The following ADAM23 variants were observed in gnomAD, a reference collection of about 807,000 sequenced individuals.
The protein encoded by ADAM23 is ADAM metallopeptidase domain 23.
ADAM23 carries 33 observed loss-of-function variants against 120.1 expected under a neutral mutation model. That is an observed-to-expected ratio of 0.27 (90% CI 0.21 to 0.37). ADAM23 has a LOEUF of 0.37. ADAM23 is among the 10% of genes least tolerant of loss of function. The pLI, the probability that ADAM23 is intolerant of heterozygous loss-of-function variation, is 1.00. For missense variants in ADAM23, 862 were observed against 1,058.2 expected, an observed-to-expected ratio of 0.81 and a Z score of 2.57; for synonymous variants, 367 against 375.2, an observed-to-expected ratio of 0.98 and a Z score of 0.25.
chr2:206,614,954 G>A (rs796335891), intron 25 of ADAM23, among the ~76,000 whole-genome samples: 1 of 152,058 alleles, frequency 6.6e-6, no homozygotes, highest in South Asian at 2.1e-4. Flanking sequence ...CAGGAAGATC[G>A]GTGCATTTCC....
In ADAM23 at chr2:206,550,160, G is replaced by C; in HGVS notation, c.933G>C (p.Thr311=). The C allele has an allele frequency of 6.4e-7, 1 of 1,559,960 alleles. No individual in the cohort carries two copies. The change falls in exon 9 of 26, where the codon ACG becomes ACC. Residue 311 remains threonine (T), a splice_region_variant and synonymous_variant. Coordinates refer to ENST00000264377, the MANE Select transcript of ADAM23 (RefSeq NM_003812.4). ...TTATGATTGTTAATGATCACAAAAC[G>C]GTAAGAATATAGAGTCAGTGGGTTT... The part of the protein sequence containing the change: ...LELMIVNDHK[T]YKKHRSSHAH...
chr2:206,467,701 A>G lies in ADAM23; in HGVS notation c.433-13531A>G, dbSNP rs1179693208. On this transcript the variant is annotated intron_variant, in intron 2 of 25. Transcript: ENST00000264377. ...CCTTCTCACAGCTCAACTAGGCAGT[A>G]CCCCAGTGGGGACTCTGTGTGGGGG... is the stretch of plus-strand genomic sequence containing the variant. Among the ~76,000 whole-genome samples, 5 of 152,260 alleles carry G rather than the reference A, an allele frequency of 3.3e-5. No individual in the cohort carries two copies. The East Asian group carries it at 7.7e-4, about 24-fold the overall frequency.
Position 206,547,432 on chromosome 2 carries a change from A to G in ADAM23, c.724A>G (p.Ser242Gly), listed in dbSNP as rs1199510767. ...EPLELVHDEK[S>G]TGRPHIIQKT... Reference sequence around the variant, plus strand: ...GCCTACAATTGTTTTGTTTCAGAAAAGCACAGGTCGACCACATATAATCCA... The same window carrying G: ...GCCTACAATTGTTTTGTTTCAGAAAGGCACAGGTCGACCACATATAATCCA... Residue 242 changes from serine to glycine, a missense_variant, in exon 7 of 26, where the codon AGC becomes GGC. Ser to Gly is a moderately conservative substitution (Grantham distance 56). Around this residue, in one of 4 missense-constraint regions of ADAM23, gnomAD observed 617 missense variants for 813.5 expected, o/e 0.76. Transcript: ENST00000264377. 3 of 1,611,668 alleles carry G rather than the reference A, an allele frequency of 1.9e-6. No individual in the cohort carries two copies. Among genetic ancestry groups the G allele is most frequent in the Non-Finnish European group, 2.5e-6 (3 of 1,178,674 alleles).
chr2:206,459,447 C>G (rs1429258925), intron 2 of ADAM23, among the ~76,000 whole-genome samples: 1 of 152,132 alleles, frequency 6.6e-6, no homozygotes, highest in Non-Finnish European at 1.5e-5. Flanking sequence ...ATTATCTTGT[C>G]TGCCATCAGA....
intron 3 of ADAM23, among the ~76,000 whole-genome samples, chr2:206,517,641 G>A (rs1173399660): frequency 6.6e-6 from 1 of 152,046 alleles, no homozygotes; most frequent in Non-Finnish European, 1.5e-5. Flanking sequence ...TTTTGACTCT[G>A]CTAGACCACA....
intron 9 of ADAM23, among the ~76,000 whole-genome samples, chr2:206,552,636 TTTA>T (rs749243243): frequency 1.3e-5 from 2 of 152,002 alleles, no homozygotes; most frequent in Non-Finnish European, 2.9e-5. Context: ...AATAATTCAT[TTTA>T]TTATTGTTGT....
chr2:206,497,740 G>A (rs1051653931), intron 3 of ADAM23, among the ~76,000 whole-genome samples: 5 of 152,062 alleles, frequency 3.3e-5, no homozygotes, highest in African/African-American at 1.2e-4. Flanking sequence ...ACATGATTGT[G>A]TATCTAGAAA....
intron 18 of ADAM23, among the ~76,000 whole-genome samples, chr2:206,577,583 G>A: frequency 7.1e-6 from 1 of 140,194 alleles, no homozygotes; most frequent in East Asian, 2.0e-4. Flanking sequence ...CCCTACAAAG[G>A]ACATGAACTC....
At chr2:206,535,718 A>G (rs561713918) in intron 4 of ADAM23, among the ~76,000 whole-genome samples, 2 of 152,342 alleles carry the variant, frequency 1.3e-5, no homozygotes, top group East Asian at 3.9e-4. Flanking sequence ...AGGGGCACAT[A>G]TGATACGATT....
intron 3 of ADAM23, among the ~76,000 whole-genome samples, chr2:206,514,733 T>C (rs535587004): frequency 6.6e-6 from 1 of 152,288 alleles, no homozygotes; most frequent in African/African-American, 2.4e-5. Flanking sequence ...ACAAACTTCA[T>C]TGTTGTCTTA....
chr2:206,592,718 G>T lies in ADAM23; in HGVS notation c.2060G>T (p.Gly687Val). 6.2e-7 allele frequency: 1 copy of T among 1,613,924 alleles called. No homozygotes were observed. The highest frequency in any genetic ancestry group is 8.5e-7 in the Non-Finnish European group (1 of 1,179,922). ...ATTCCAACTTCCTTCTACCATCAAG[G>T]CCGGGTGATTGACTGCAGGTAACAT... ...EIIPTSFYHQGRVIDCSGAHV... is the reference protein window; with the variant it reads ...EIIPTSFYHQVRVIDCSGAHV... Residue 687 changes from glycine (G) to valine (V), a missense_variant, in exon 22 of 26, where the codon GGC (glycine) becomes GTC (valine). This residue lies in a region of ADAM23 where 617 missense variants were observed against 813.5 expected (regional missense o/e 0.76). Coordinates refer to ENST00000264377, the MANE Select transcript of ADAM23 (RefSeq NM_003812.4).
intron 3 of ADAM23, among the ~76,000 whole-genome samples, chr2:206,524,810 G>T (rs1367758001): frequency 2.6e-5 from 4 of 152,206 alleles, no homozygotes; most frequent in African/African-American, 7.2e-5. Flanking sequence ...TACAATTCAA[G>T]ATGAGATTTG....
intron 4 of ADAM23, among the ~76,000 whole-genome samples, chr2:206,540,592 A>G (rs1011591688): frequency 7.9e-5 from 12 of 152,194 alleles, no homozygotes; most frequent in African/African-American, 2.7e-4. Flanking sequence ...TGTAGCCATA[A>G]AATTTCAGGA....
intron 18 of ADAM23, among the ~76,000 whole-genome samples, chr2:206,573,998 G>A (rs1330908226): frequency 6.6e-6 from 1 of 151,996 alleles, no homozygotes; most frequent in African/African-American, 2.4e-5. Flanking sequence ...AAAAGTAATT[G>A]CGGTTTTTGC....
At chr2:206,446,951 C>G (rs1175972776) in intron 2 of ADAM23, among the ~76,000 whole-genome samples, 2 of 152,122 alleles carry the variant, frequency 1.3e-5, no homozygotes, top group African/African-American at 4.8e-5. Flanking sequence ...ATGAATGAGA[C>G]CTTTTAGAGT....
chr2:206,558,916 T>C (rs906651592), intron 10 of ADAM23, among the ~76,000 whole-genome samples: 2 of 145,512 alleles, frequency 1.4e-5, no homozygotes, highest in East Asian at 2.0e-4. Context: ...AGATCATCCA[T>C]TGGTTTTTGT....
intron 3 of ADAM23, among the ~76,000 whole-genome samples, chr2:206,503,928 C>T (rs1176076771): frequency 6.6e-6 from 1 of 152,072 alleles, no homozygotes; most frequent in Non-Finnish European, 1.5e-5. Flanking sequence ...CTAATTTTTT[C>T]CCGATCACCT....
At chr2:206,570,609 G>T (rs1697976171) in intron 15 of ADAM23, 131 bp from the exon 16 acceptor site, 1 of 650,540 alleles carries the variant, frequency 1.5e-6, no homozygotes. Context: ...TTTATAAGAT[G>T]CCACAACAAC....
At chr2:206,585,892 C>A (rs1160526877) in intron 18 of ADAM23, among the ~76,000 whole-genome samples, 1 of 152,152 alleles carries the variant, frequency 6.6e-6, no homozygotes, top group African/African-American at 2.4e-5. Flanking sequence ...GCCCTTAAAG[C>A]CCTTATCCTA....
Sources: gnomAD v4.1 joint callset for allele counts (sites outside exome capture counted in the v4.1 genomes callset) on GRCh38, gnomAD v4.1.1 for gene constraint, gnomAD v4.1.1 regional missense constraint, MANE v1.5 for transcripts, NCBI Gene and HGNC (gene_info 2026-07-23, HGNC 2026-07-21) for gene names.